Variants in CADPS observed in about 807,000 individuals in gnomAD.
CADPS encodes calcium-dependent secretion activator 1.
A neutral mutation model predicts 167.3 loss-of-function variants in CADPS; 57 were observed. The observed-to-expected ratio is 0.34, with a 90% CI of 0.28 to 0.42. CADPS has a LOEUF of 0.42. CADPS is among the 20% of genes least tolerant of loss of function. The probability of loss-of-function intolerance (pLI) is 1.00; values close to 1 mark genes in which losing one functional copy is unlikely to be tolerated. For synonymous variants in CADPS, 676 were observed against 635.3 expected, an observed-to-expected ratio of 1.06 and a Z score of -0.96; for missense variants, 1,414 against 1,738.1, an observed-to-expected ratio of 0.81 and a Z score of 3.32.
chr3:62,676,755 C>T (rs1402947572), intron 3 of CADPS, among the ~76,000 whole-genome samples: 1 of 152,058 alleles, frequency 6.6e-6, no homozygotes, highest in African/African-American at 2.4e-5. Flanking sequence ...CCACAAGGCC[C>T]CTGCTGGTTT....
chr3:62,800,341 G>C (rs972942541), intron 1 of CADPS, among the ~76,000 whole-genome samples: 1 of 152,010 alleles, frequency 6.6e-6, no homozygotes, highest in Non-Finnish European at 1.5e-5. Flanking sequence ...AAAAAATGTT[G>C]AAAGCAAATA....
intron 28 of CADPS, 52 bp from the exon 29 acceptor site, chr3:62,403,237 G>A: frequency 8.1e-7 from 1 of 1,238,662 alleles, no homozygotes. Context: ...AGCATTTATA[G>A]GGCAGAGAGA....
chr3:62,443,322 A>G (rs1262210195), intron 27 of CADPS, among the ~76,000 whole-genome samples: 2 of 152,238 alleles, frequency 1.3e-5, no homozygotes, highest in Non-Finnish European at 2.9e-5. Context: ...GCTTGGTTGT[A>G]GTAGCAGTAA....
chr3:62,424,988 G>T (rs1280506279), intron 28 of CADPS, among the ~76,000 whole-genome samples: 1 of 152,124 alleles, frequency 6.6e-6, no homozygotes, highest in South Asian at 2.1e-4. Context: ...TCTCAGAGGT[G>T]GGGATGAAAA....
At chr3:62,435,743 C>G (rs1207298016) in intron 28 of CADPS, among the ~76,000 whole-genome samples, 4 of 151,848 alleles carry the variant, frequency 2.6e-5, no homozygotes, top group Non-Finnish European at 5.9e-5. Context: ...ATCAGATATA[C>G]TCAGGAGGGT....
At chr3:62,424,246 C>T (rs1479332507) in intron 28 of CADPS, among the ~76,000 whole-genome samples, 5 of 152,052 alleles carry the variant, frequency 3.3e-5, no homozygotes, top group Admixed American at 6.5e-5. Context: ...TGCAGTGGCA[C>T]GATCTCAGCT....
At chr3:62,725,725 C>CTA (rs2076628512) in intron 3 of CADPS, among the ~76,000 whole-genome samples, 1 of 151,850 alleles carries the variant, frequency 6.6e-6, no homozygotes, top group East Asian at 1.9e-4. Context: ...CAAGTCTGTA[C>CTA]TAACCGCTGA....
At chr3:62,750,499 A>G (rs913791134) in intron 3 of CADPS, among the ~76,000 whole-genome samples, 1 of 152,180 alleles carries the variant, frequency 6.6e-6, no homozygotes, top group Non-Finnish European at 1.5e-5. Flanking sequence ...AATTCAGAAG[A>G]TAACTTTCTT....
intron 27 of CADPS, chr3:62,441,095 C>T (rs140963229): frequency 6.6e-6 from 1 of 152,186 alleles, no homozygotes. Context: ...TTAGTTATAG[C>T]TGGAAAATAT....
At chr3:62,814,808 T>C (rs913478338) in intron 1 of CADPS, among the ~76,000 whole-genome samples, 4 of 152,192 alleles carry the variant, frequency 2.6e-5, no homozygotes, top group African/African-American at 9.6e-5. Context: ...ACTTAATTGT[T>C]AAGCACAGGG....
intron 3 of CADPS, among the ~76,000 whole-genome samples, chr3:62,691,639 T>C (rs920025192): frequency 2.0e-5 from 3 of 151,978 alleles, no homozygotes; most frequent in Non-Finnish European, 2.9e-5. Context: ...GGGACATGGA[T>C]GGAGTTGGAA....
At chr3:62,583,945 G>A (rs17640193) in intron 8 of CADPS, among the ~76,000 whole-genome samples, 5,313 of 151,812 alleles carry the variant, frequency 0.035, 115 homozygotes, top group Middle Eastern at 0.045. Flanking sequence ...CTTAATCACG[G>A]CTAGGCCCTG....
intron 1 of CADPS, among the ~76,000 whole-genome samples, chr3:62,847,548 G>A (rs1314698814): frequency 3.9e-4 from 21 of 53,968 alleles, no homozygotes; most frequent in East Asian, 4.9e-4. Context: ...TTGTTCTTGC[G>A]ATAGTTTACT....
At chr3:62,652,505 T>C (rs1403332974) in intron 4 of CADPS, among the ~76,000 whole-genome samples, 2 of 152,072 alleles carry the variant, frequency 1.3e-5, no homozygotes, top group East Asian at 1.9e-4. Context: ...AGATTTACTC[T>C]GTCAAGCAGT....
intron 6 of CADPS, among the ~76,000 whole-genome samples, chr3:62,610,773 C>A (rs11717017): frequency 9.9e-5 from 15 of 152,050 alleles, no homozygotes; most frequent in African/African-American, 2.7e-4. Flanking sequence ...CTAGCCAGGC[C>A]TCCTCAGTCC....
Position 62,706,856 on chromosome 3 carries a change from A to G in CADPS, c.889-44462T>C, listed in dbSNP as rs911615679. Reference sequence around the variant, plus strand: ...AATTACTGGGGACTCAGAAGGGTGGAAGCGGGGTGAGGGATGAGAAACTAC... The same window carrying G: ...AATTACTGGGGACTCAGAAGGGTGGGAGCGGGGTGAGGGATGAGAAACTAC... On this transcript the variant is annotated intron_variant, in intron 3 of 29. Transcript: ENST00000383710. Among the ~76,000 whole-genome samples, 9 of 152,086 alleles carry G rather than the reference A, an allele frequency of 5.9e-5. 1 individual carries two copies. Among genetic ancestry groups the G allele is most frequent in the Admixed American group, 2.0e-4 (3 of 15,268 alleles).
intron 6 of CADPS, among the ~76,000 whole-genome samples, chr3:62,604,321 A>G (rs750085623): frequency 6.6e-6 from 1 of 152,018 alleles, no homozygotes; most frequent in African/African-American, 2.4e-5. Flanking sequence ...TTGCCCTGTA[A>G]CCTCATTTCT....
intron 1 of CADPS, chr3:62,814,600 A>T (rs1417864122): frequency 6.6e-6 from 1 of 152,128 alleles, no homozygotes. Flanking sequence ...ATAAATTTCC[A>T]CACCTCTAAT....
intron 3 of CADPS, among the ~76,000 whole-genome samples, chr3:62,707,952 TCTCTA>T (rs931573305): frequency 6.6e-6 from 1 of 151,850 alleles, no homozygotes; most frequent in African/African-American, 2.4e-5. Context: ...GGAGACAGAG[TCTCTA>T]CTCTATTGTC....
Sources: gnomAD v4.1 joint callset for allele counts (sites outside exome capture counted in the v4.1 genomes callset) on GRCh38, gnomAD v4.1.1 for gene constraint, MANE v1.5 for transcripts, NCBI Gene and HGNC (gene_info 2026-07-23, HGNC 2026-07-21) for gene names.